The following FKTN variants were observed in gnomAD, a reference collection of about 807,000 sequenced individuals.
FKTN encodes the protein fukutin.
Under a neutral mutation model 58.6 loss-of-function variants are expected in FKTN, and 47 were observed. The ratio of observed to expected loss-of-function variants is 0.80; its 90% CI spans 0.63 to 1.02. The LOEUF (loss-of-function observed/expected upper bound fraction) is 1.02, where lower values mean the gene tolerates loss of function less well. FKTN is among the 50% of genes least tolerant of loss of function. The pLI is 0.00. For missense variants in FKTN, 516 were observed against 537.3 expected, an observed-to-expected ratio of 0.96 and a Z score of 0.39; for synonymous variants, 178 against 191.9, an observed-to-expected ratio of 0.93 and a Z score of 0.60.
chr9:105,618,596 T>G (rs778245817), intron 9 of FKTN, among the ~76,000 whole-genome samples: 9 of 152,184 alleles, frequency 5.9e-5, no homozygotes, highest in Non-Finnish European at 1.0e-4. Context: ...CTTGTTTATC[T>G]TATATGTCCT....
At chr9:105,628,805 G>T (rs749066212) in intron 10 of FKTN, among the ~76,000 whole-genome samples, 1 of 152,184 alleles carries the variant, frequency 6.6e-6, no homozygotes, top group Non-Finnish European at 1.5e-5. Context: ...AGTGAAAGAA[G>T]TCAGATAGGA....
Position 105,615,421 on chromosome 9 carries a change from G to A in FKTN, c.910+14G>A, listed in dbSNP as rs76180538. 0.01 allele frequency: 16,699 copies of A among 1,613,382 alleles called. 164 individuals are homozygous for A. Among genetic ancestry groups the A allele is most frequent in the South Asian group, 0.024 (2,141 of 91,034 alleles). ...GAACTTGTCTAGGTAAAATTCTTAC[G>A]ACTTTCCATTTGTCTTTCTGTCATT... On this transcript the variant is annotated intron_variant, in intron 8 of 10. Coordinates refer to ENST00000357998, the MANE Select transcript of FKTN (RefSeq NM_001079802.2).
At chr9:105,589,858 G>C (rs115152101) in intron 3 of FKTN, among the ~76,000 whole-genome samples, 1,875 of 152,266 alleles carry the variant, frequency 0.012, 55 homozygotes, top group African/African-American at 0.043. Context: ...GCAGGAATAT[G>C]TCTGTCAGTT....
At chr9:105,579,821 C>T (rs12552741) in intron 3 of FKTN, among the ~76,000 whole-genome samples, 15,958 of 150,884 alleles carry the variant, frequency 0.11, 1,101 homozygotes, top group Admixed American at 0.2. Flanking sequence ...GTAGGTCACA[C>T]AGGACTTGCT....
At chr9:105,563,973 G>T (rs1337494658) in intron 1 of FKTN, among the ~76,000 whole-genome samples, 1 of 152,196 alleles carries the variant, frequency 6.6e-6, no homozygotes, top group Admixed American at 6.5e-5. Context: ...GAACGATCAG[G>T]CAGCAACATT....
chr9:105,624,038 C>T (rs1832399621), intron 10 of FKTN, among the ~76,000 whole-genome samples: 1 of 152,104 alleles, frequency 6.6e-6, no homozygotes, highest in South Asian at 2.1e-4. Context: ...TTGTTTCCTT[C>T]AATAGATACC....
intron 7 of FKTN, among the ~76,000 whole-genome samples, chr9:105,615,059 T>G (rs1164570654): frequency 6.6e-6 from 1 of 152,072 alleles, no homozygotes; most frequent in Non-Finnish European, 1.5e-5. Context: ...AATTTTTATG[T>G]TTTTAGTAGA....
intron 3 of FKTN, among the ~76,000 whole-genome samples, chr9:105,586,049 G>GA (rs1843836218): frequency 6.6e-6 from 1 of 152,154 alleles, no homozygotes; most frequent in Admixed American, 6.5e-5. Flanking sequence ...GGCTTTTCAG[G>GA]AAAGAACACT....
chr9:105,637,826 T>C lies in FKTN; in HGVS notation c.*2562T>C, dbSNP rs1834147313. Reference sequence around the variant, plus strand: ...GTCCTCTCTAAGCAGGGAGCACTTGTCCTTCTCTCCTCTGCTGCAGCTACT... The same window carrying C: ...GTCCTCTCTAAGCAGGGAGCACTTGCCCTTCTCTCCTCTGCTGCAGCTACT... On this transcript the variant is annotated 3_prime_UTR_variant, in exon 11 of 11. Coordinates refer to ENST00000357998, the MANE Select transcript of FKTN (RefSeq NM_001079802.2). 1 of 985,254 alleles carries C rather than the reference T, an allele frequency of 1.0e-6. No individual in the cohort carries two copies. Among genetic ancestry groups the C allele is most frequent in the Non-Finnish European group, 1.2e-6 (1 of 829,914 alleles). 61.0% of individuals were successfully genotyped at this position (985,254 alleles called of 1,614,324 possible). A position where few individuals can be genotyped will look rare whatever the true frequency, so the allele number is the denominator to read the frequency against.
At chr9:105,583,501 G>A (rs1843388279) in intron 3 of FKTN, among the ~76,000 whole-genome samples, 1 of 151,972 alleles carries the variant, frequency 6.6e-6, no homozygotes, top group African/African-American at 2.4e-5. Flanking sequence ...ATGTATATTG[G>A]TTCTTTTTAG....
intron 1 of FKTN, among the ~76,000 whole-genome samples, chr9:105,559,684 C>CA (rs751342126): frequency 0.027 from 3,079 of 114,426 alleles, 71 homozygotes; most frequent in African/African-American, 0.066. Context: ...AACTCTGTCT[C>CA]AAAAAAAAAA....
intron 6 of FKTN, 137 bp from the exon 7 acceptor site, chr9:105,607,682 A>T (rs1829151644): frequency 5.6e-6 from 4 of 708,448 alleles, no homozygotes; most frequent in Non-Finnish European, 7.7e-6. Flanking sequence ...ATAGGTATAC[A>T]TGTGCCATGG....
intron 1 of FKTN, among the ~76,000 whole-genome samples, chr9:105,562,564 A>C (rs1448935474): frequency 6.6e-6 from 1 of 152,240 alleles, no homozygotes; most frequent in Non-Finnish European, 1.5e-5. Context: ...ATTTAACTAC[A>C]TGTTACCAGA....
intron 8 of FKTN, among the ~76,000 whole-genome samples, chr9:105,617,643 C>T (rs1169145516): frequency 6.6e-6 from 1 of 152,044 alleles, no homozygotes; most frequent in Non-Finnish European, 1.5e-5. Flanking sequence ...AAAATAGATA[C>T]ATAGATAGAT....
chr9:105,588,210 T>C (rs1333910504), intron 3 of FKTN, among the ~76,000 whole-genome samples: 1 of 152,240 alleles, frequency 6.6e-6, no homozygotes, highest in East Asian at 1.9e-4. Context: ...TTTGATAATA[T>C]ATCTTTATTT....
intron 3 of FKTN, among the ~76,000 whole-genome samples, chr9:105,577,862 T>C (rs963906197): frequency 2.7e-5 from 4 of 150,268 alleles, no homozygotes; most frequent in East Asian, 2.0e-4. Flanking sequence ...TGGTTTGTAG[T>C]TCTCCTTGAA....
chr9:105,571,057 A>G (rs75704260), intron 1 of FKTN, among the ~76,000 whole-genome samples: 2,838 of 152,220 alleles, frequency 0.019, 81 homozygotes, highest in African/African-American at 0.065. Flanking sequence ...TGTAATTTGA[A>G]CTATTTGTAG....
chr9:105,591,896 C>T lies in FKTN; in HGVS notation c.106-4702C>T, dbSNP rs114455523. Among the ~76,000 whole-genome samples the T allele has an allele frequency of 9.2e-3, 1,396 of 152,362 alleles. 23 individuals are homozygous for T. The highest frequency in any genetic ancestry group is 0.032 in the African/African-American group (1,347 of 41,592). The stretch of plus-strand genomic sequence containing the variant: ...TAAGCCTCAACTCTTGCACTGTGTG[C>T]ACCTGCTTACAGCTTGCACCCTCTG... On this transcript the variant is annotated intron_variant, in intron 3 of 10. Coordinates refer to ENST00000357998, the MANE Select transcript of FKTN (RefSeq NM_001079802.2).
intron 1 of FKTN, among the ~76,000 whole-genome samples, chr9:105,565,774 G>C (rs1333906983): frequency 6.6e-6 from 1 of 152,104 alleles, no homozygotes; most frequent in Non-Finnish European, 1.5e-5. Context: ...TCCAGGAATT[G>C]AACTCAACTC....
Sources: gnomAD v4.1 joint callset for allele counts (sites outside exome capture counted in the v4.1 genomes callset) on GRCh38, gnomAD v4.1.1 for gene constraint, MANE v1.5 for transcripts, NCBI Gene and HGNC (gene_info 2026-07-23, HGNC 2026-07-21) for gene names.